Variants in DOCK1 observed in about 807,000 individuals in gnomAD.
The protein encoded by DOCK1 is dedicator of cytokinesis 1.
In DOCK1, 138 loss-of-function variants were observed where a neutral mutation model predicts 262.7. The ratio of observed to expected loss-of-function variants is 0.53; its 90% confidence interval spans 0.46 to 0.61. The LOEUF (loss-of-function observed/expected upper bound fraction) is 0.61. Ranked by LOEUF, DOCK1 falls within the 20% of genes least tolerant of loss-of-function variation. DOCK1 has a pLI of 0.00. For synonymous variants in DOCK1, 866 were observed against 867.4 expected, an observed-to-expected ratio of 1.00 and a Z score of 0.03; for missense variants, 1,908 against 2,370.7, an observed-to-expected ratio of 0.80 and a Z score of 4.05.
At chr10:127,154,149 A>ATT (rs2052793138) in intron 27 of DOCK1, among the ~76,000 whole-genome samples, 1 of 152,244 alleles carries the variant, frequency 6.6e-6, no homozygotes, top group Non-Finnish European at 1.5e-5. Flanking sequence ...AAGTGAACAT[A>ATT]AGCTCCTGGA....
chr10:127,361,931 G>A (rs560642222), intron 32 of DOCK1, 133 bp from the exon 33 acceptor site: 41 of 1,037,422 alleles, frequency 4.0e-5, no homozygotes, highest in East Asian at 1.6e-4. Flanking sequence ...CTGCAGACGC[G>A]AAATGGATGC....
intron 10 of DOCK1, among the ~76,000 whole-genome samples, chr10:127,007,000 C>T (rs970263998): frequency 2.0e-5 from 3 of 152,164 alleles, no homozygotes; most frequent in Non-Finnish European, 4.4e-5. Flanking sequence ...AAGGTGGGTG[C>T]TGCAGTCAGT....
intron 27 of DOCK1, among the ~76,000 whole-genome samples, chr10:127,184,875 C>T (rs145059323): frequency 6.6e-6 from 1 of 152,300 alleles, no homozygotes; most frequent in African/African-American, 2.4e-5. Context: ...CCTTCATTTA[C>T]TCACTGAACA....
At chr10:127,274,265 A>C (rs2489409) in intron 29 of DOCK1, among the ~76,000 whole-genome samples, 1 of 152,122 alleles carries the variant, frequency 6.6e-6, no homozygotes, top group African/African-American at 2.4e-5. Flanking sequence ...TATACCTCCA[A>C]TGAGAAAGAG....
chr10:127,230,061 C>T (rs2058784378), intron 27 of DOCK1, among the ~76,000 whole-genome samples: 1 of 152,190 alleles, frequency 6.6e-6, no homozygotes, highest in Non-Finnish European at 1.5e-5. Context: ...CTTAGCCACA[C>T]ATGTACTAAA....
intron 33 of DOCK1, among the ~76,000 whole-genome samples, chr10:127,369,926 T>TG (rs916862969): frequency 6.6e-6 from 1 of 152,156 alleles, no homozygotes; most frequent in Non-Finnish European, 1.5e-5. Context: ...ACCAGTCACT[T>TG]GTAGGATGTC....
chr10:127,236,500 G>GTTTTTTTTTTTTTTTT, intron 27 of DOCK1, among the ~76,000 whole-genome samples: 1 of 66,786 alleles, frequency 1.5e-5, no homozygotes, highest in Non-Finnish European at 2.7e-5. Flanking sequence ...CTTGACACGG[G>GTTTTTTTTTTTTTTTT]TTTTTTTTTT....
rs139878118 is a variant in DOCK1, at chr10:127,248,458, G to C, written c.2949+349G>C. ...TCCCATTAACTCCTATTCATTTATT[G>C]GTTGACTTTTTAATAGCAGAAGCCA... On this transcript the variant is annotated intron_variant, in intron 28 of 51. Coordinates refer to ENST00000623213, the MANE Select transcript of DOCK1 (RefSeq NM_001290223.2). Among the ~76,000 whole-genome samples the C allele has an allele frequency of 7.9e-3, 1,196 of 152,238 alleles. 20 individuals are homozygous for C. Among genetic ancestry groups the C allele is most frequent in the African/African-American group, 0.027 (1,130 of 41,542 alleles).
intron 23 of DOCK1, among the ~76,000 whole-genome samples, chr10:127,076,471 A>G (rs1195364617): frequency 6.6e-6 from 1 of 152,228 alleles, no homozygotes. Flanking sequence ...ACTGCACTCC[A>G]GCCTGGATGA....
intron 33 of DOCK1, among the ~76,000 whole-genome samples, chr10:127,366,772 T>C (rs2064941069): frequency 6.6e-6 from 1 of 152,154 alleles, no homozygotes; most frequent in Non-Finnish European, 1.5e-5. Context: ...ATGGGGATGG[T>C]CGGCTGCTGC....
At chr10:126,921,789 A>G (rs1326931962) in intron 1 of DOCK1, among the ~76,000 whole-genome samples, 1 of 152,040 alleles carries the variant, frequency 6.6e-6, no homozygotes, top group Non-Finnish European at 1.5e-5. Context: ...AGTAGCTGGG[A>G]CTATAGGCAT....
intron 1 of DOCK1, among the ~76,000 whole-genome samples, chr10:126,957,569 C>T (rs990462709): frequency 0.055 from 8,419 of 152,174 alleles, 267 homozygotes; most frequent in African/African-American, 0.066. Context: ...CACTGCAGCC[C>T]TCAACTCCTG....
rs528405775 is a variant in DOCK1, at chr10:127,277,169, G to A, written c.3044+19740G>A. The stretch of plus-strand genomic sequence containing the variant: ...CTCAAGAGCAGCAGTGATTCAAATG[G>A]CCTTTTGACTTTAAAAAATTCTCCA... On this transcript the variant is annotated intron_variant, in intron 29 of 51. Coordinates refer to ENST00000623213, the MANE Select transcript of DOCK1 (RefSeq NM_001290223.2). Among the ~76,000 whole-genome samples, 12 of 152,160 alleles carry A rather than the reference G, an allele frequency of 7.9e-5. No homozygotes were observed. The South Asian group carries it at 2.5e-3, about 32-fold the overall frequency.
At chr10:127,339,695 TTGTGTGTGTGTGTGTGTG>T (rs112206811) in intron 30 of DOCK1, among the ~76,000 whole-genome samples, 2,150 of 109,856 alleles carry the variant, frequency 0.02, 77 homozygotes, top group African/African-American at 0.067. Context: ...CTGGCCTGAT[TTGTGTGTGTGTGTGTGTG>T]TGTGTGTGTG....
At chr10:127,128,554 C>T (rs2050117607) in intron 27 of DOCK1, among the ~76,000 whole-genome samples, 2 of 152,060 alleles carry the variant, frequency 1.3e-5, no homozygotes, top group Non-Finnish European at 1.5e-5. Context: ...CCCCACTCCC[C>T]AGCAGGCCCC....
chr10:127,179,587 A>G (rs2055525476), intron 27 of DOCK1, among the ~76,000 whole-genome samples: 2 of 152,172 alleles, frequency 1.3e-5, no homozygotes, highest in African/African-American at 4.8e-5. Flanking sequence ...CTGGACATTA[A>G]GAATTACTAA....
chr10:127,063,056 G>A (rs894899800), intron 23 of DOCK1, among the ~76,000 whole-genome samples: 14 of 152,322 alleles, frequency 9.2e-5, no homozygotes, highest in African/African-American at 3.1e-4. Flanking sequence ...CCTAGTTATG[G>A]CGGTTTTCAC....
chr10:127,130,065 C>CTTTTTTTTTTTT lies in DOCK1; in HGVS notation c.2847+2321_2847+2332dup, dbSNP rs74721427. On this transcript the variant is annotated intron_variant, in intron 27 of 51. Coordinates refer to ENST00000623213, the MANE Select transcript of DOCK1 (RefSeq NM_001290223.2). Reference sequence around the variant, plus strand: ...CAATCCTGCCTCCAGTTAGGGTCTTCTTTTTTTTTTTTTTTTTTTTTTTTT... The same window carrying CTTTTTTTTTTTT: ...CAATCCTGCCTCCAGTTAGGGTCTTCTTTTTTTTTTTTTTTTTTTTTTTTTTTTTTTTTTTTT... Among the ~76,000 whole-genome samples the CTTTTTTTTTTTT allele has an allele frequency of 1.9e-4, 22 of 117,544 alleles. 3 individuals are homozygous for CTTTTTTTTTTTT. The highest frequency in any genetic ancestry group is 8.3e-4 in the African/African-American group (21 of 25,370). The allele number at this position is 117,544 out of a possible 152,430, so 77.1% of individuals were successfully genotyped here. A position where few individuals can be genotyped will look rare whatever the true frequency, so the allele number is the denominator to read the frequency against.
chr10:127,074,983 A>G (rs143975027), intron 23 of DOCK1, among the ~76,000 whole-genome samples: 18 of 152,036 alleles, frequency 1.2e-4, no homozygotes, highest in Non-Finnish European at 1.9e-4. Context: ...CCAACTGACC[A>G]ACATGAAGAA....
Sources: gnomAD v4.1 joint callset for allele counts (sites outside exome capture counted in the v4.1 genomes callset) on GRCh38, gnomAD v4.1.1 for gene constraint, MANE v1.5 for transcripts, NCBI Gene and HGNC (gene_info 2026-07-23, HGNC 2026-07-21) for gene names.